Variants in C1QTNF7 observed in about 807,000 individuals in gnomAD.
C1QTNF7 encodes C1q and TNF related 7.
A neutral mutation model predicts 19.6 loss-of-function variants in C1QTNF7; 15 were observed. The observed-to-expected ratio is 0.76, with a 90% CI of 0.51 to 1.18. The LOEUF is 1.18. Among genes scored for constraint, C1QTNF7 ranks in the 50% most tolerant of loss-of-function variants. The pLI, the probability that C1QTNF7 is intolerant of heterozygous loss-of-function variation, is 0.00. For synonymous variants in C1QTNF7, 142 were observed against 137.5 expected (o/e 1.03, Z -0.23); for missense variants, 324 against 359.7 (o/e 0.90, Z 0.80).
chr4:15,352,146 G>A (rs1021833974), intron 1 of C1QTNF7, among the ~76,000 whole-genome samples: 1 of 152,120 alleles, frequency 6.6e-6, no homozygotes, highest in Non-Finnish European at 1.5e-5. Context: ...ATATGCCCAA[G>A]CTGCAGCTTT....
chr4:15,403,759 A>T (rs1268709757), intron 1 of C1QTNF7, among the ~76,000 whole-genome samples: 4 of 152,204 alleles, frequency 2.6e-5, no homozygotes, highest in Non-Finnish European at 5.9e-5. Context: ...TGATTTCTGA[A>T]TGGTGTAACA....
intron 1 of C1QTNF7, among the ~76,000 whole-genome samples, chr4:15,342,345 A>G (rs1413538476): frequency 6.6e-6 from 1 of 152,194 alleles, no homozygotes; most frequent in Non-Finnish European, 1.5e-5. Context: ...TGGACCTGAA[A>G]TGCCCCAAGG....
Position 15,366,468 on chromosome 4 carries a change from C to T in C1QTNF7, c.13+26261C>T, listed in dbSNP as rs141936160. On this transcript the variant is annotated intron_variant, in intron 1 of 2. Coordinates refer to the C1QTNF7 transcript ENST00000295297. ...GGATAGTCCCCTGGAAAAAAATGCACAGCCCAAGTCTGTGTTACTTGCAGT... is the reference window on the plus strand; with the variant it reads ...GGATAGTCCCCTGGAAAAAAATGCATAGCCCAAGTCTGTGTTACTTGCAGT... 1.1e-3 allele frequency among the ~76,000 whole-genome samples: 175 copies of T among 152,300 alleles called. 1 individual carries two copies. The highest frequency in any genetic ancestry group is 4.0e-3 in the African/African-American group (168 of 41,558).
chr4:15,363,925 C>T (rs1213140957), intron 1 of C1QTNF7, among the ~76,000 whole-genome samples: 1 of 152,158 alleles, frequency 6.6e-6, no homozygotes, highest in African/African-American at 2.4e-5. Context: ...TGTGATGATA[C>T]CCTGTTCAGA....
intron 1 of C1QTNF7, among the ~76,000 whole-genome samples, chr4:15,343,807 T>C (rs1300439221): frequency 6.6e-6 from 1 of 152,208 alleles, no homozygotes; most frequent in Non-Finnish European, 1.5e-5. Flanking sequence ...TTGTGCCGAC[T>C]ACAATAGAAT....
At chr4:15,402,630 G>T (rs1422658129) in intron 1 of C1QTNF7, among the ~76,000 whole-genome samples, 2 of 152,138 alleles carry the variant, frequency 1.3e-5, no homozygotes, top group Non-Finnish European at 2.9e-5. Context: ...CTCTTTCATG[G>T]CAGAAGATAA....
intron 1 of C1QTNF7, among the ~76,000 whole-genome samples, chr4:15,349,765 T>C (rs1716844718): frequency 1.3e-5 from 2 of 152,190 alleles, no homozygotes; most frequent in Non-Finnish European, 2.9e-5. Flanking sequence ...CTGTTTGATT[T>C]TCAGCATCCA....
intron 1 of C1QTNF7, among the ~76,000 whole-genome samples, chr4:15,404,471 A>G (rs544320696): frequency 1.9e-4 from 29 of 152,378 alleles, no homozygotes; most frequent in Middle Eastern, 6.8e-3. Flanking sequence ...ATTAGAGTTA[A>G]CACTTATAAA....
chr4:15,375,313 G>A (rs542165364), intron 1 of C1QTNF7, among the ~76,000 whole-genome samples: 1 of 152,240 alleles, frequency 6.6e-6, no homozygotes, highest in Non-Finnish European at 1.5e-5. Flanking sequence ...TAAGGGTGTT[G>A]ATTTATTTAC....
At chr4:15,371,353 C>CAT (rs1717715968) in intron 1 of C1QTNF7, among the ~76,000 whole-genome samples, 1 of 152,226 alleles carries the variant, frequency 6.6e-6, no homozygotes, top group South Asian at 2.1e-4. Flanking sequence ...GCTTGCTAGT[C>CAT]ATACTGCTGC....
At chr4:15,416,358 G>C (rs917343169) in intron 1 of C1QTNF7, among the ~76,000 whole-genome samples, 1 of 152,202 alleles carries the variant, frequency 6.6e-6, no homozygotes, top group Non-Finnish European at 1.5e-5. Context: ...GCACTGGGCA[G>C]ACAGGGTTGG....
At chr4:15,433,679 C>T (rs1334524344) in intron 1 of C1QTNF7, among the ~76,000 whole-genome samples, 1 of 152,126 alleles carries the variant, frequency 6.6e-6, no homozygotes, top group Non-Finnish European at 1.5e-5. Context: ...TAAGTGAGAA[C>T]ACATATCACC....
At chr4:15,405,099 T>A (rs1270590430) in intron 1 of C1QTNF7, among the ~76,000 whole-genome samples, 2 of 152,044 alleles carry the variant, frequency 1.3e-5, no homozygotes, top group African/African-American at 4.8e-5. Context: ...TAGTAAAAAA[T>A]TTTATTTCTT....
At chr4:15,433,208 G>A (rs1391377110) in intron 1 of C1QTNF7, among the ~76,000 whole-genome samples, 1 of 152,026 alleles carries the variant, frequency 6.6e-6, no homozygotes, top group Non-Finnish European at 1.5e-5. Flanking sequence ...GGTAGAGATG[G>A]GGTCTTGCTA....
intron 1 of C1QTNF7, among the ~76,000 whole-genome samples, chr4:15,357,359 T>C (rs1011257300): frequency 6.6e-6 from 1 of 152,238 alleles, no homozygotes; most frequent in Non-Finnish European, 1.5e-5. Flanking sequence ...AGGGAATCCT[T>C]TCCCCATTGC....
intron 1 of C1QTNF7, among the ~76,000 whole-genome samples, chr4:15,396,794 C>T (rs1034808892): frequency 5.9e-5 from 9 of 152,184 alleles, no homozygotes; most frequent in Non-Finnish European, 7.4e-5. Flanking sequence ...TTTCCATCAC[C>T]AGCCCTTCTT....
intron 1 of C1QTNF7, among the ~76,000 whole-genome samples, chr4:15,384,242 C>T (rs4629443): frequency 0.48 from 73,034 of 152,086 alleles, 19,166 homozygotes; most frequent in African/African-American, 0.69. Context: ...GCTCCCAGGC[C>T]AGTGCTTGTC....
intron 1 of C1QTNF7, among the ~76,000 whole-genome samples, chr4:15,374,936 G>A (rs1006724269): frequency 6.6e-6 from 1 of 151,726 alleles, no homozygotes; most frequent in Non-Finnish European, 1.5e-5. Flanking sequence ...AACTCCTCTG[G>A]GGGTTGCTTC....
At chr4:15,406,414 G>A (rs77013464) in intron 1 of C1QTNF7, among the ~76,000 whole-genome samples, 1 of 152,264 alleles carries the variant, frequency 6.6e-6, no homozygotes, top group African/African-American at 2.4e-5. Flanking sequence ...GTATTAGAGA[G>A]GAAAAATGAA....
Sources: allele counts gnomAD v4.1 joint callset (sites outside exome capture counted in the v4.1 genomes callset), GRCh38; gene constraint gnomAD v4.1.1; transcripts MANE v1.5; gene names NCBI Gene and HGNC (gene_info 2026-07-23, HGNC 2026-07-21).